CSGALNACT1: variants seen among roughly 807,000 people sequenced by gnomAD.
CSGALNACT1 encodes the protein beta4GalNAcT-1.
CSGALNACT1 carries 52 observed loss-of-function variants against 51.0 expected under a neutral mutation model. That is an observed-to-expected ratio of 1.02 (90% CI 0.82 to 1.29). The LOEUF (loss-of-function observed/expected upper bound fraction) is 1.29. CSGALNACT1 is among the 50% of genes most tolerant of loss of function. CSGALNACT1 has a pLI of 0.00. For missense variants in CSGALNACT1, 935 were observed against 679.2 expected (o/e 1.38, Z -4.19); for synonymous variants, 341 against 254.4 (o/e 1.34, Z -3.24).
chr8:19,614,852 G>A (rs989720669), intron 1 of CSGALNACT1, among the ~76,000 whole-genome samples: 8 of 152,134 alleles, frequency 5.3e-5, no homozygotes, highest in African/African-American at 1.7e-4. Flanking sequence ...GCCACTGGCT[G>A]GTTACTTCTA....
At chr8:19,671,541 A>C (rs1289179366) in intron 1 of CSGALNACT1, among the ~76,000 whole-genome samples, 1 of 152,306 alleles carries the variant, frequency 6.6e-6, no homozygotes, top group Non-Finnish European at 1.5e-5. Flanking sequence ...AATCTGCTAC[A>C]CCCCAAATGT....
chr8:19,724,250 A>C (rs923104503), intron 1 of CSGALNACT1, among the ~76,000 whole-genome samples: 1 of 152,214 alleles, frequency 6.6e-6, no homozygotes, highest in Non-Finnish European at 1.5e-5. Context: ...CAGAAGTCCA[A>C]AATGCATCTC....
In CSGALNACT1 at chr8:19,418,525, T is replaced by A. The variant is rs1170981481; in HGVS notation, c.1227+131A>T. On this transcript the variant is annotated intron_variant, in intron 8 of 9. Coordinates refer to ENST00000454498, the Ensembl canonical transcript of CSGALNACT1. ...CGCCGGGAGCAGAGGCCAGCACATC[T>A]GCCAAACGTAAAAACTACTAAGGGA... is the stretch of plus-strand genomic sequence containing the variant. 3 of 730,416 alleles carry A rather than the reference T, an allele frequency of 4.1e-6. No individual in the cohort carries two copies. In the East Asian group the frequency reaches 8.0e-5, roughly 20 times the overall value. The allele number at this position is 730,416 out of a possible 1,614,324, so 45.2% of individuals were successfully genotyped here.
At chr8:19,604,952 A>G (rs76015950), upstream of CSGALNACT1, among the ~76,000 whole-genome samples, 3,466 of 150,910 alleles carry the variant, frequency 0.023, 148 homozygotes, top group African/African-American at 0.08. Context: ...TGGGGCTTAC[A>G]TAACACAGCT....
intron 1 of CSGALNACT1, among the ~76,000 whole-genome samples, chr8:19,646,958 G>T (rs1424902499): frequency 4.6e-5 from 7 of 151,762 alleles, no homozygotes; most frequent in Admixed American, 2.0e-4. Context: ...TCTACACCAA[G>T]AATACATGCA....
At chr8:19,449,889 G>A (rs970016809) in intron 5 of CSGALNACT1, among the ~76,000 whole-genome samples, 16 of 151,414 alleles carry the variant, frequency 1.1e-4, no homozygotes, top group Non-Finnish European at 1.8e-4. Context: ...CAGAGATAAA[G>A]ACCAAAGAAA....
At chr8:19,619,044 G>A (rs2154158646) in intron 1 of CSGALNACT1, among the ~76,000 whole-genome samples, 2 of 152,194 alleles carry the variant, frequency 1.3e-5, no homozygotes, top group Admixed American at 1.3e-4. Context: ...TGCCCTCTTA[G>A]AGAAGTCACA....
At chr8:19,586,378 A>C (rs2046642211) in intron 3 of CSGALNACT1, among the ~76,000 whole-genome samples, 1 of 150,090 alleles carries the variant, frequency 6.7e-6, no homozygotes, top group African/African-American at 2.5e-5. Context: ...AAACAAAAAC[A>C]CAGTGGAGAC....
chr8:19,731,761 C>G (rs1349912564), intron 1 of CSGALNACT1, among the ~76,000 whole-genome samples: 5 of 152,152 alleles, frequency 3.3e-5, no homozygotes, highest in Non-Finnish European at 7.4e-5. Flanking sequence ...GAAAATAATT[C>G]CATCTCAGGC....
At chr8:19,672,908 G>C (rs1386888458) in intron 1 of CSGALNACT1, among the ~76,000 whole-genome samples, 1 of 152,224 alleles carries the variant, frequency 6.6e-6, no homozygotes, top group Non-Finnish European at 1.5e-5. Context: ...TCATGCTACT[G>C]AGTGATTAGA....
chr8:19,653,007 A>G (rs1589280362), intron 1 of CSGALNACT1, among the ~76,000 whole-genome samples: 1 of 152,122 alleles, frequency 6.6e-6, no homozygotes, highest in African/African-American at 2.4e-5. Context: ...ATAACTACTT[A>G]TAAGTTTGGG....
At chr8:19,542,472 C>A (rs1157095599) in intron 3 of CSGALNACT1, among the ~76,000 whole-genome samples, 1 of 152,082 alleles carries the variant, frequency 6.6e-6, no homozygotes, top group East Asian at 1.9e-4. Context: ...GTCCCAGAGC[C>A]CTCGGTCTAT....
At chr8:19,580,698 C>T (rs1046970842) in intron 3 of CSGALNACT1, among the ~76,000 whole-genome samples, 4 of 152,164 alleles carry the variant, frequency 2.6e-5, no homozygotes, top group African/African-American at 9.7e-5. Flanking sequence ...AGATACAAAA[C>T]TGGTAATACA....
intron 1 of CSGALNACT1, among the ~76,000 whole-genome samples, chr8:19,755,466 A>AAAAAAAAAAAAAAAAAAAAAAAAAAAC: frequency 7.9e-6 from 1 of 127,082 alleles, no homozygotes; most frequent in Non-Finnish European, 1.7e-5. Context: ...CAAAAAAAAA[A>AAAAAAAAAAAAAAAAAAAAAAAAAAAC]AAAAAAAAAA....
At chr8:19,468,794 G>A (rs142954195) in intron 4 of CSGALNACT1, among the ~76,000 whole-genome samples, 1 of 152,250 alleles carries the variant, frequency 6.6e-6, no homozygotes, top group African/African-American at 2.4e-5. Flanking sequence ...AAGCTTGGCG[G>A]GCAAGCCTTT....
intron 4 of CSGALNACT1, among the ~76,000 whole-genome samples, chr8:19,489,647 G>A (rs1220208062): frequency 3.3e-5 from 5 of 152,170 alleles, no homozygotes; most frequent in African/African-American, 7.2e-5. Flanking sequence ...TGAATTAATC[G>A]ACAATCACAG....
At chr8:19,613,066 G>C (rs2052517392) in intron 1 of CSGALNACT1, among the ~76,000 whole-genome samples, 1 of 139,576 alleles carries the variant, frequency 7.2e-6, no homozygotes, top group Admixed American at 7.5e-5. Context: ...TCACTGAATT[G>C]AAAATTCTTT....
intron 3 of CSGALNACT1, among the ~76,000 whole-genome samples, chr8:19,541,386 G>A (rs2085090538): frequency 6.6e-6 from 1 of 151,184 alleles, no homozygotes; most frequent in African/African-American, 2.4e-5. Flanking sequence ...GAGCAGGTGG[G>A]ACTACAGGCA....
rs112071931 is a variant in CSGALNACT1 at position 19,424,843 on chromosome 8, C to T, written c.954-4325G>A. ...TGTGATGGTGTGGTTTGGGAAGGTC[C>T]GCACCATGGCCATGAGGCTGCAGCC... On this transcript the variant is annotated intron_variant, in intron 6 of 9. Transcript: ENST00000454498. 3.9e-3 allele frequency among the ~76,000 whole-genome samples: 598 copies of T among 152,272 alleles called. 2 individuals carry two copies. The highest frequency in any genetic ancestry group is 0.014 in the African/African-American group (577 of 41,550).
Sources: gnomAD v4.1 joint callset for allele counts (sites outside exome capture counted in the v4.1 genomes callset) on GRCh38, gnomAD v4.1.1 for gene constraint, MANE v1.5 for transcripts, NCBI Gene and HGNC (gene_info 2026-07-23, HGNC 2026-07-21) for gene names.